Variants in TACC2 observed in about 807,000 individuals in gnomAD.
TACC2 encodes transforming acidic coiled-coil containing protein 2, also known as transforming acidic coiled-coil-containing protein 2.
In TACC2, 137 loss-of-function variants were observed where a neutral mutation model predicts 227.3. The ratio of observed to expected loss-of-function variants is 0.60; its 90% CI spans 0.52 to 0.69. The LOEUF is 0.69. Among genes scored for constraint, TACC2 ranks in the 30% least tolerant of loss-of-function variants. The probability of loss-of-function intolerance (pLI) is 0.00; values close to 1 mark genes in which losing one functional copy is unlikely to be tolerated. For missense variants in TACC2, 3,470 were observed against 3,694.4 expected, an observed-to-expected ratio of 0.94 and a Z score of 1.57; for synonymous variants, 1,523 against 1,487.5, an observed-to-expected ratio of 1.02 and a Z score of -0.55.
chr10:122,197,589 C>T (rs1483817447), intron 8 of TACC2, among the ~76,000 whole-genome samples: 2 of 152,194 alleles, frequency 1.3e-5, no homozygotes, highest in Non-Finnish European at 2.9e-5. Flanking sequence ...AAAAGATAAC[C>T]CCCACCAGGG....
Position 122,087,457 on chromosome 10 carries a change from C to T in TACC2, c.4957C>T (p.Leu1653Phe), listed in dbSNP as rs981312019. 1 of 1,613,942 alleles carries T rather than the reference C, an allele frequency of 6.2e-7. No individual in the cohort carries two copies. The change falls in exon 4 of 23, where the codon CTT becomes TTT. Residue 1653 changes from leucine to phenylalanine, a missense_variant. Physicochemically the swap from Leu to Phe is conservative, Grantham distance 22. Transcript: ENST00000369005. The stretch of plus-strand genomic sequence containing the variant: ...TGAGGCCAACAGTGAGCCCTGGACC[C>T]TTGACACGCTTGGGGGTGAAAGGAG... Reference protein sequence around the residue: ...VPEANSEPWTLDTLGGERRPG... With the variant: ...VPEANSEPWTFDTLGGERRPG...
In TACC2 at chr10:122,152,609, G is replaced by A. The variant is rs1035873108; in HGVS notation, c.5834+8903G>A. 1.1e-4 allele frequency among the ~76,000 whole-genome samples: 16 copies of A among 152,278 alleles called. No individual in the cohort carries two copies. In the South Asian group the frequency reaches 1.5e-3, roughly 14 times the overall value. On this transcript the variant is annotated intron_variant, in intron 7 of 22. Transcript: ENST00000369005. ...TGATGACATGATTCCCTGGTGCATC[G>A]TCCCTGCTTCATTTCCAAGAGGAGG...
At chr10:121,998,542 C>T (rs923374365) in intron 1 of TACC2, among the ~76,000 whole-genome samples, 1 of 152,116 alleles carries the variant, frequency 6.6e-6, no homozygotes, top group Non-Finnish European at 1.5e-5. Context: ...AAGATAGCCA[C>T]CACCTTGCCA....
intron 2 of TACC2, among the ~76,000 whole-genome samples, chr10:122,048,359 G>A (rs946147910): frequency 2.0e-5 from 3 of 151,708 alleles, no homozygotes; most frequent in Non-Finnish European, 2.9e-5. Flanking sequence ...AACGTGAGAG[G>A]AGGAATGGAG....
chr10:122,213,223 C>T, intron 9 of TACC2: 3 of 970,662 alleles, frequency 3.1e-6, no homozygotes, highest in Non-Finnish European at 4.8e-6. Flanking sequence ...AAAGCTGGGG[C>T]ATTGCCCTAC....
chr10:122,100,990 C>G (rs1449632020), intron 5 of TACC2, among the ~76,000 whole-genome samples: 1 of 152,168 alleles, frequency 6.6e-6, no homozygotes, highest in Non-Finnish European at 1.5e-5. Flanking sequence ...CCGACCCTTC[C>G]ACTCCCCAGG....
At chr10:122,112,338 C>T (rs2083753879) in intron 5 of TACC2, among the ~76,000 whole-genome samples, 1 of 152,136 alleles carries the variant, frequency 6.6e-6, no homozygotes, top group South Asian at 2.1e-4. Flanking sequence ...GAAAACAGAC[C>T]TCACATGCCA....
At chr10:122,252,492 C>T (rs372996264) in intron 22 of TACC2, among the ~76,000 whole-genome samples, 31 of 149,846 alleles carry the variant, frequency 2.1e-4, no homozygotes, top group South Asian at 1.3e-3. Context: ...TTTTTTTTTT[C>T]TTTCTTTTTT....
chr10:122,219,277 C>CCCT (rs2095477731), intron 11 of TACC2, among the ~76,000 whole-genome samples: 1 of 151,992 alleles, frequency 6.6e-6, no homozygotes. Flanking sequence ...TAGTGCTAGC[C>CCCT]CCTCCCAGCC....
At chr10:122,035,501 C>T (rs17102893) in intron 2 of TACC2, among the ~76,000 whole-genome samples, 7,459 of 152,180 alleles carry the variant, frequency 0.049, 245 homozygotes, top group Admixed American at 0.11. Flanking sequence ...GTGATCTGCT[C>T]GAATGAAGCT....
intron 5 of TACC2, among the ~76,000 whole-genome samples, chr10:122,109,795 G>A (rs1185598326): frequency 6.6e-6 from 1 of 152,168 alleles, no homozygotes; most frequent in East Asian, 1.9e-4. Context: ...GCCTTATCCG[G>A]TTCTCTCCAC....
Position 122,254,035 on chromosome 10 carries a change from T to A in TACC2, c.8826T>A (p.Ile2942=). Residue 2942 remains isoleucine, a synonymous_variant, in exon 23 of 23, where the codon ATT becomes ATA. Coordinates refer to ENST00000369005, the MANE Select transcript of TACC2 (RefSeq NM_206862.4). ...TCACCAAGATTTGTGACGAACTGATTGCCAAAATGGGGAAAAGCTAACTCT... is the reference window on the plus strand; with the variant it reads ...TCACCAAGATTTGTGACGAACTGATAGCCAAAATGGGGAAAAGCTAACTCT... The part of the protein sequence containing the change: ...EELTKICDEL[I]AKMGKS The A allele has an allele frequency of 6.2e-7, 1 of 1,614,202 alleles. No individual in the cohort carries two copies. The highest frequency in any genetic ancestry group is 8.5e-7 in the Non-Finnish European group (1 of 1,180,026).
chr10:122,034,581 C>A (rs1959618153), intron 2 of TACC2, among the ~76,000 whole-genome samples: 1 of 152,284 alleles, frequency 6.6e-6, no homozygotes, highest in East Asian at 1.9e-4. Flanking sequence ...GCACCCTGAC[C>A]TTCCATCAGC....
At position 122,141,703 on chromosome 10, in the gene TACC2, T is replaced by G. The variant is rs1377781488; in HGVS notation, c.5700-1869T>G. 6.6e-6 allele frequency among the ~76,000 whole-genome samples: 1 copy of G among 152,132 alleles called. No individual in the cohort carries two copies. The highest frequency in any genetic ancestry group is 2.4e-5 in the African/African-American group (1 of 41,418). On this transcript the variant is annotated intron_variant, in intron 6 of 22. Coordinates refer to ENST00000369005, the MANE Select transcript of TACC2 (RefSeq NM_206862.4). The surrounding 1 kb of genome is among the most constrained non-coding windows in gnomAD (Gnocchi z 4.3). ...ATCTCCCCCCCACCCGCCACTGTTT[T>G]CTAAGACAGAGATCCTTCCTTGCAG...
intron 7 of TACC2, among the ~76,000 whole-genome samples, chr10:122,178,208 G>C (rs2093811642): frequency 6.6e-6 from 1 of 151,496 alleles, no homozygotes; most frequent in Non-Finnish European, 1.5e-5. Flanking sequence ...TCTCTGTACG[G>C]CCTCTTTTAT....
chr10:122,249,194 C>G (rs982244224), intron 21 of TACC2, 38 bp downstream of exon 21: 9 of 1,498,288 alleles, frequency 6.0e-6, no homozygotes, highest in Non-Finnish European at 2.8e-6. Context: ...CCAGGGGCCT[C>G]CCAGCAGCCC....
chr10:122,099,407 C>T lies in TACC2; in HGVS notation c.5573+10816C>T, dbSNP rs140856214. Among the ~76,000 whole-genome samples the T allele has an allele frequency of 8.7e-4, 132 of 152,234 alleles. 1 individual carries two copies. Among genetic ancestry groups the T allele is most frequent in the African/African-American group, 2.8e-3 (118 of 41,556 alleles). On this transcript the variant is annotated intron_variant, in intron 5 of 22. Coordinates refer to ENST00000369005, the MANE Select transcript of TACC2 (RefSeq NM_206862.4). ...TCTGGCACCTGAGGCTGGGTAGCAG[C>T]GAAGCTCACCTTTGAGATGAGGTAC...
chr10:122,119,822 C>T (rs975549510), intron 5 of TACC2, among the ~76,000 whole-genome samples: 10 of 151,714 alleles, frequency 6.6e-5, no homozygotes, highest in South Asian at 2.1e-4. Flanking sequence ...GGGAGGCTGA[C>T]GCAGGAGAAT....
chr10:122,174,402 C>T (rs947913308), intron 7 of TACC2, among the ~76,000 whole-genome samples: 2 of 152,204 alleles, frequency 1.3e-5, no homozygotes, highest in Non-Finnish European at 2.9e-5. Context: ...ATGACAGTGC[C>T]CACTCACTCC....
Sources: allele counts gnomAD v4.1 joint callset (sites outside exome capture counted in the v4.1 genomes callset), GRCh38; gene constraint gnomAD v4.1.1; non-coding constraint Gnocchi (gnomAD v3.1); transcripts MANE v1.5; gene names NCBI Gene and HGNC (gene_info 2026-07-23, HGNC 2026-07-21).